The following DLGAP2 variants were observed in gnomAD, a reference collection of about 807,000 sequenced individuals.
DLGAP2 encodes disks large-associated protein 2.
DLGAP2 carries 26 observed loss-of-function variants against 100.3 expected under a neutral mutation model. The observed-to-expected ratio is 0.26, with a 90% CI of 0.19 to 0.36. DLGAP2 has a LOEUF of 0.36. Among genes scored for constraint, DLGAP2 ranks in the 10% least tolerant of loss-of-function variants. DLGAP2 has a pLI of 1.00. For synonymous variants in DLGAP2, 886 were observed against 630.1 expected, an observed-to-expected ratio of 1.41 and a Z score of -6.08; for missense variants, 1,858 against 1,453.2, an observed-to-expected ratio of 1.28 and a Z score of -4.53.
At chr8:1,005,806 G>A (rs1801092417) in intron 2 of DLGAP2, among the ~76,000 whole-genome samples, 1 of 152,132 alleles carries the variant, frequency 6.6e-6, no homozygotes, top group Non-Finnish European at 1.5e-5. Flanking sequence ...TGTATTGAGT[G>A]TCCCTGTTGA....
intron 1 of DLGAP2, among the ~76,000 whole-genome samples, chr8:811,480 G>T (rs1055331752): frequency 6.7e-6 from 1 of 148,842 alleles, no homozygotes; most frequent in Non-Finnish European, 1.5e-5. Flanking sequence ...CTATCTGGGG[G>T]CTCAGCCAGG....
intron 2 of DLGAP2, among the ~76,000 whole-genome samples, chr8:1,170,591 T>A (rs13255443): frequency 7.7e-6 from 1 of 130,516 alleles, no homozygotes; most frequent in Non-Finnish European, 1.7e-5. Context: ...GAGATTCAGC[T>A]TCTTCCTGGT....
chr8:1,189,954 G>A (rs1214785717), intron 2 of DLGAP2, among the ~76,000 whole-genome samples: 1 of 152,174 alleles, frequency 6.6e-6, no homozygotes, highest in Non-Finnish European at 1.5e-5. Flanking sequence ...GCCAAGTAGG[G>A]TGAATGAGAT....
chr8:1,547,112 A>G (rs759123593), intron 4 of DLGAP2, among the ~76,000 whole-genome samples: 207 of 152,072 alleles, frequency 1.4e-3, no homozygotes, highest in Non-Finnish European at 2.4e-3. Context: ...ACATCTACAA[A>G]TGACGGCAGC....
At chr8:966,324 G>T (rs1031745559) in intron 2 of DLGAP2, among the ~76,000 whole-genome samples, 2 of 152,274 alleles carry the variant, frequency 1.3e-5, no homozygotes, top group South Asian at 4.2e-4. Context: ...ATCAGAAAGA[G>T]AAAACGGATG....
chr8:893,427 T>C (rs1240671280), intron 1 of DLGAP2, among the ~76,000 whole-genome samples: 1 of 152,226 alleles, frequency 6.6e-6, no homozygotes, highest in East Asian at 1.9e-4. Flanking sequence ...ATTTCTCACA[T>C]TGCAAATCCA....
chr8:1,114,673 C>T (rs1023353069), intron 2 of DLGAP2, among the ~76,000 whole-genome samples: 4 of 150,024 alleles, frequency 2.7e-5, no homozygotes, highest in African/African-American at 7.4e-5. Context: ...TGATTTTTTT[C>T]AATGGTTTTT....
intron 3 of DLGAP2, among the ~76,000 whole-genome samples, chr8:1,455,017 A>G (rs1798266652): frequency 6.6e-6 from 1 of 152,066 alleles, no homozygotes. Context: ...ACTGTCAGCT[A>G]CATCTTGGGG....
chr8:1,519,724 T>C (rs1456958812), intron 4 of DLGAP2, among the ~76,000 whole-genome samples: 1 of 152,236 alleles, frequency 6.6e-6, no homozygotes, highest in African/African-American at 2.4e-5. Flanking sequence ...TGCCTGCCTG[T>C]AAGAAGCCAG....
intron 2 of DLGAP2, among the ~76,000 whole-genome samples, chr8:1,150,996 CACAT>C (rs1299681737): frequency 6.6e-6 from 1 of 152,174 alleles, no homozygotes; most frequent in African/African-American, 2.4e-5. Context: ...GTATGAAACA[CACAT>C]ACATACATAT....
chr8:1,639,357 G>C (rs1320943919), intron 8 of DLGAP2, among the ~76,000 whole-genome samples: 1 of 152,184 alleles, frequency 6.6e-6, no homozygotes, highest in Non-Finnish European at 1.5e-5. Context: ...ACCACAGTGG[G>C]AACAGAGGCT....
At chr8:1,534,888 A>G (rs1801105943) in intron 4 of DLGAP2, among the ~76,000 whole-genome samples, 1 of 152,274 alleles carries the variant, frequency 6.6e-6, no homozygotes, top group Non-Finnish European at 1.5e-5. Context: ...GGAACACATT[A>G]TAAGAGTTAA....
intron 1 of DLGAP2, among the ~76,000 whole-genome samples, chr8:801,192 T>C (rs1364226483): frequency 6.6e-6 from 1 of 152,234 alleles, no homozygotes; most frequent in Non-Finnish European, 1.5e-5. Flanking sequence ...CCTTCCGTGG[T>C]TGACACGCAG....
chr8:909,031 A>C (rs1018754482), intron 2 of DLGAP2, among the ~76,000 whole-genome samples: 6 of 152,206 alleles, frequency 3.9e-5, no homozygotes, highest in African/African-American at 1.4e-4. Context: ...AGGTGTATTG[A>C]GAAAAATACA....
intron 2 of DLGAP2, among the ~76,000 whole-genome samples, chr8:1,149,602 T>C (rs1407053404): frequency 6.6e-6 from 1 of 152,244 alleles, no homozygotes; most frequent in Non-Finnish European, 1.5e-5. Context: ...ATTTAAGTTT[T>C]ATTCTTTAAG....
chr8:1,279,036 C>G (rs1799762861), intron 3 of DLGAP2, among the ~76,000 whole-genome samples: 1 of 152,118 alleles, frequency 6.6e-6, no homozygotes, highest in South Asian at 2.1e-4. Flanking sequence ...AAGAAATGAG[C>G]TATACTCACC....
At chr8:1,531,999 G>C (rs1242832320) in intron 4 of DLGAP2, among the ~76,000 whole-genome samples, 1 of 152,208 alleles carries the variant, frequency 6.6e-6, no homozygotes, top group Admixed American at 6.5e-5. Context: ...TACGTAAGAA[G>C]TACACTGGTT....
rs1271386979 is a variant in DLGAP2 at position 1,499,026 on chromosome 8, T to A, written c.107-2340T>A. Among the ~76,000 whole-genome samples, 3 of 152,340 alleles carry A rather than the reference T, an allele frequency of 2.0e-5. No individual in the cohort carries two copies. The East Asian group carries it at 5.8e-4, about 29-fold the overall frequency. On this transcript the variant is annotated intron_variant, in intron 3 of 14. Coordinates refer to ENST00000637795, the MANE Select transcript of DLGAP2 (RefSeq NM_001346810.2). ...CCAGACCTCCTGTTCTCTCATCTGA[T>A]AAACAGCAAGGGCGGGTGGGAGGAG... is the stretch of plus-strand genomic sequence containing the variant.
At chr8:744,800 C>T (rs969718517) in intron 1 of DLGAP2, among the ~76,000 whole-genome samples, 8 of 152,236 alleles carry the variant, frequency 5.3e-5, no homozygotes, top group Admixed American at 2.0e-4. Context: ...CTTTTCATTC[C>T]GTCCTTTCCT....
Sources: allele counts gnomAD v4.1 joint callset (sites outside exome capture counted in the v4.1 genomes callset), GRCh38; gene constraint gnomAD v4.1.1; transcripts MANE v1.5; gene names NCBI Gene and HGNC (gene_info 2026-07-23, HGNC 2026-07-21).